Variants in KCNMA1 observed in about 807,000 individuals in gnomAD.
KCNMA1 encodes Calcium-activated potassium channel subunit alpha-1.
A neutral mutation model predicts 140.0 loss-of-function variants in KCNMA1; 29 were observed. The observed-to-expected ratio is 0.21, with a 90% confidence interval of 0.15 to 0.28. The LOEUF (loss-of-function observed/expected upper bound fraction) is 0.28, where lower values mean the gene tolerates loss of function less well. KCNMA1 is among the 10% of genes least tolerant of loss of function. KCNMA1 has a pLI of 1.00. For synonymous variants in KCNMA1, 612 were observed against 611.9 expected (o/e 1.00, Z 0.00); for missense variants, 880 against 1,602.2 (o/e 0.55, Z 7.70).
At chr10:77,185,734 G>C (rs915072880) in intron 3 of KCNMA1, among the ~76,000 whole-genome samples, 3 of 151,848 alleles carry the variant, frequency 2.0e-5, no homozygotes, top group Admixed American at 6.6e-5. Flanking sequence ...CAAGACTTCT[G>C]TGTGCTTTCC....
chr10:76,974,431 G>T, intron 19 of KCNMA1: 1 of 1,027,502 alleles, frequency 9.7e-7, no homozygotes, highest in Non-Finnish European at 1.5e-6. Context: ...AAAGTAGAAT[G>T]TTGAGGGCTG....
chr10:77,186,777 ATG>A (rs10594438), intron 3 of KCNMA1, among the ~76,000 whole-genome samples: 18,391 of 144,952 alleles, frequency 0.13, 1,132 homozygotes, highest in Middle Eastern at 0.22. Context: ...TAAAGAGTAA[ATG>A]TGTGTGTGTG....
chr10:77,061,759 T>A (rs1392810976), intron 14 of KCNMA1, among the ~76,000 whole-genome samples: 3 of 152,200 alleles, frequency 2.0e-5, no homozygotes, highest in African/African-American at 7.2e-5. Flanking sequence ...AACTAAATGG[T>A]GTCCAATGGA....
chr10:76,884,122 C>T (rs981473045), downstream of KCNMA1: 2 of 295,546 alleles, frequency 6.8e-6, no homozygotes, highest in Non-Finnish European at 1.0e-5. Flanking sequence ...ATATAAAACG[C>T]ACTTCGGATT....
At chr10:77,363,342 G>A (rs2094129538) in intron 2 of KCNMA1, among the ~76,000 whole-genome samples, 1 of 152,122 alleles carries the variant, frequency 6.6e-6, no homozygotes, top group Non-Finnish European at 1.5e-5. Context: ...CATGGCTTTA[G>A]ATGGGCAGAA....
chr10:77,124,058 G>A (rs1207706129), intron 5 of KCNMA1, among the ~76,000 whole-genome samples: 1 of 152,210 alleles, frequency 6.6e-6, no homozygotes. Flanking sequence ...ACGGTTGCCT[G>A]GGGATAACTG....
At chr10:77,359,231 A>G (rs2093742809) in intron 2 of KCNMA1, among the ~76,000 whole-genome samples, 1 of 152,116 alleles carries the variant, frequency 6.6e-6, no homozygotes, top group Non-Finnish European at 1.5e-5. Flanking sequence ...TGAATCTCAT[A>G]GGTGTGGAAG....
At chr10:76,889,603 C>T in intron 26 of KCNMA1, 34 bp from the exon 27 acceptor site, 1 of 1,494,640 alleles carries the variant, frequency 6.7e-7, no homozygotes, top group Non-Finnish European at 9.3e-7. Context: ...GAGAAACATC[C>T]TTTTTATTTG....
intron 2 of KCNMA1, among the ~76,000 whole-genome samples, chr10:77,270,889 C>T (rs2064935321): frequency 6.6e-6 from 1 of 152,078 alleles, no homozygotes; most frequent in East Asian, 1.9e-4. Context: ...TTGAATGTCC[C>T]AGTTAGCCAC....
chr10:77,177,747 T>C (rs1485839444), intron 5 of KCNMA1, among the ~76,000 whole-genome samples: 1 of 152,052 alleles, frequency 6.6e-6, no homozygotes, highest in Non-Finnish European at 1.5e-5. Flanking sequence ...CTATCCTCAT[T>C]CTCCCACCCA....
chr10:76,952,267 T>C, intron 21 of KCNMA1: 1 of 1,287,294 alleles, frequency 7.8e-7, no homozygotes, highest in Non-Finnish European at 1.0e-6. Context: ...ACGCCTGTAA[T>C]CCCAGCACTT....
At chr10:76,902,139 T>C (rs1216768965) in intron 25 of KCNMA1, 1 of 152,352 alleles carries the variant, frequency 6.6e-6, no homozygotes, top group East Asian at 1.9e-4. Context: ...GCTTTCTGCA[T>C]AGGTGATGGC....
At chr10:77,011,469 G>T (rs988678482) in intron 18 of KCNMA1, among the ~76,000 whole-genome samples, 33 of 152,160 alleles carry the variant, frequency 2.2e-4, no homozygotes, top group African/African-American at 7.5e-4. Context: ...CAGTCTGAAG[G>T]TATCACAGTT....
chr10:77,565,996 A>G lies in KCNMA1; in HGVS notation c.378+71269T>C, dbSNP rs569008565. Among the ~76,000 whole-genome samples the G allele has an allele frequency of 9.2e-5, 14 of 152,306 alleles. No homozygotes were observed. The East Asian group carries it at 2.7e-3, about 29-fold the overall frequency. On this transcript the variant is annotated intron_variant, in intron 1 of 27. Transcript: ENST00000286628. ...AAAGGCAGTTGCTGTGCCTCCACGG[A>G]ATATTCTCTCCCCTAAAATCTTCAT...
At chr10:77,304,897 G>T (rs1318702498) in intron 2 of KCNMA1, among the ~76,000 whole-genome samples, 1 of 152,230 alleles carries the variant, frequency 6.6e-6, no homozygotes, top group Non-Finnish European at 1.5e-5. Context: ...GAAGGCTCCA[G>T]AGGTGACTGC....
chr10:76,983,806 C>A (rs2153233581), intron 19 of KCNMA1, among the ~76,000 whole-genome samples: 1 of 151,512 alleles, frequency 6.6e-6, no homozygotes, highest in Non-Finnish European at 1.5e-5. Context: ...TATTTCAATT[C>A]TCCCCTTCTG....
intron 1 of KCNMA1, among the ~76,000 whole-genome samples, chr10:77,486,242 A>G (rs148390452): frequency 3.0e-4 from 46 of 152,156 alleles, no homozygotes; most frequent in African/African-American, 9.6e-4. Flanking sequence ...TCTTTCCTCA[A>G]CCTCACCTCA....
At chr10:77,025,985 T>TGAA (rs1555139362) in intron 16 of KCNMA1, among the ~76,000 whole-genome samples, 3 of 58,504 alleles carry the variant, frequency 5.1e-5, no homozygotes, top group African/African-American at 1.6e-4. Context: ...TGCCCTTTTC[T>TGAA]GAAGAAAAAA....
At chr10:77,245,907 C>A (rs1206131474) in intron 3 of KCNMA1, among the ~76,000 whole-genome samples, 3 of 152,106 alleles carry the variant, frequency 2.0e-5, no homozygotes, top group Non-Finnish European at 4.4e-5. Flanking sequence ...AGAAGCTGGT[C>A]TCATCAAGCC....
Sources: allele counts gnomAD v4.1 joint callset (sites outside exome capture counted in the v4.1 genomes callset), GRCh38; gene constraint gnomAD v4.1.1; transcripts MANE v1.5; gene names NCBI Gene and HGNC (gene_info 2026-07-23, HGNC 2026-07-21).